Variants in OR6N1 observed in about 807,000 individuals in gnomAD.
The protein encoded by OR6N1 is olfactory receptor family 6 subfamily N member 1, also known as olfactory receptor 6N1.
For synonymous variants in OR6N1, 170 were observed against 150.7 expected (o/e 1.13, Z -0.94); for missense variants, 394 against 371.7 (o/e 1.06, Z -0.49).
chr1:158,783,999 G>A, the OR6N1 span, among the ~76,000 whole-genome samples: 2 of 152,036 alleles, frequency 1.3e-5, no homozygotes, highest in African/African-American at 2.4e-5. Context: ...CCACCTACTC[G>A]GGAGGCTGAG....
At chr1:158,800,580 T>G in the OR6N1 span, among the ~76,000 whole-genome samples, 1 of 152,172 alleles carries the variant, frequency 6.6e-6, no homozygotes, top group East Asian at 1.9e-4. Flanking sequence ...CCCCAGAACA[T>G]TCTGTGATCT....
chr1:158,840,005 T>C, the OR6N1 span, among the ~76,000 whole-genome samples: 1 of 152,172 alleles, frequency 6.6e-6, no homozygotes, highest in African/African-American at 2.4e-5. Flanking sequence ...GAAAACTGAT[T>C]CACAGCACTT....
chr1:158,769,357 T>A (rs1056860472), intron 1 of OR6N1, among the ~76,000 whole-genome samples: 5 of 151,932 alleles, frequency 3.3e-5, no homozygotes, highest in African/African-American at 1.2e-4. Context: ...AGAGATGGGG[T>A]TTAGCCATAT....
chr1:158,777,122 T>C, upstream of OR6N1: 2 of 1,614,112 alleles, frequency 1.2e-6, no homozygotes, highest in Non-Finnish European at 1.7e-6. Flanking sequence ...TGGATTTCAT[T>C]GTAAGCACAA....
the OR6N1 span, among the ~76,000 whole-genome samples, chr1:158,840,041 G>T: frequency 6.6e-6 from 1 of 152,084 alleles, no homozygotes; most frequent in African/African-American, 2.4e-5. Context: ...GGACAACTCT[G>T]ATTTTTAATT....
Position 158,764,920 on chromosome 1 carries a change from A to G in OR6N1, c.*824T>C, listed in dbSNP as rs1657203989. On this transcript the variant is annotated 3_prime_UTR_variant, in exon 2 of 2. Transcript: ENST00000641846. The stretch of plus-strand genomic sequence containing the variant: ...AAACTATACTTTTCAAGTATAGTAT[A>G]CTTGTATACTATACAAGTATTCCTT... The G allele has an allele frequency of 6.6e-6, 1 of 152,068 alleles. No homozygotes were observed. Among genetic ancestry groups the G allele is most frequent in the Admixed American group, 6.6e-5 (1 of 15,264 alleles). The allele number at this position is 152,068 out of a possible 1,614,324, so 9.4% of individuals were successfully genotyped here. A position where few individuals can be genotyped will look rare whatever the true frequency, so the allele number is the denominator to read the frequency against.
the OR6N1 span, among the ~76,000 whole-genome samples, chr1:158,835,434 T>C: frequency 0.25 from 37,439 of 151,976 alleles, 5,178 homozygotes; most frequent in Non-Finnish European, 0.31. Flanking sequence ...ACACAACTGA[T>C]TTGTATGTGT....
chr1:158,770,455 T>G (rs976829884), intron 1 of OR6N1, among the ~76,000 whole-genome samples: 1 of 152,212 alleles, frequency 6.6e-6, no homozygotes, highest in Non-Finnish European at 1.5e-5. Context: ...CAAAAAATAC[T>G]GATGATTTTC....
At chr1:158,804,747 A>G in the OR6N1 span, among the ~76,000 whole-genome samples, 46 of 152,186 alleles carry the variant, frequency 3.0e-4, no homozygotes, top group Non-Finnish European at 5.3e-4. Flanking sequence ...AAAAAATGAT[A>G]TGAAATGCAA....
the OR6N1 span, among the ~76,000 whole-genome samples, chr1:158,814,128 C>T: frequency 6.6e-5 from 10 of 152,148 alleles, no homozygotes; most frequent in South Asian, 8.3e-4. Flanking sequence ...TAACAGTGCC[C>T]TGTTTCATTC....
the OR6N1 span, among the ~76,000 whole-genome samples, chr1:158,794,129 C>G: frequency 6.6e-6 from 1 of 152,178 alleles, no homozygotes; most frequent in East Asian, 1.9e-4. Context: ...CAAAGTATTT[C>G]AGAAAGGCTG....
At chr1:158,839,256 A>T in the OR6N1 span, among the ~76,000 whole-genome samples, 3 of 152,220 alleles carry the variant, frequency 2.0e-5, no homozygotes, top group African/African-American at 4.8e-5. Context: ...TATGAAATAT[A>T]AACGTTCTCT....
chr1:158,785,910 C>T, the OR6N1 span, among the ~76,000 whole-genome samples: 2 of 152,008 alleles, frequency 1.3e-5, no homozygotes, highest in East Asian at 3.9e-4. Flanking sequence ...TTTTCAAGCC[C>T]TCGTCTTAAT....
rs1657229796 is a variant in OR6N1, at chr1:158,765,638, C to T, written c.*106G>A. ...TCAGCACTTGCTGCAGCTCCACCAC[C>T]CCACATAGAAAAGCACTGAATTTTT... On this transcript the variant is annotated 3_prime_UTR_variant, in exon 2 of 2. Transcript: ENST00000641846. The T allele has an allele frequency of 2.2e-6, 2 of 905,708 alleles. No individual in the cohort carries two copies. The highest frequency in any genetic ancestry group is 1.7e-5 in the African/African-American group (1 of 60,464). The allele number at this position is 905,708 out of a possible 1,614,324, so 56.1% of individuals were successfully genotyped here.
chr1:158,776,963 C>T (rs2102014674), upstream of OR6N1: 2 of 1,614,118 alleles, frequency 1.2e-6, no homozygotes, highest in Non-Finnish European at 1.7e-6. Context: ...ATCTTCAGCA[C>T]AGCCCCAATG....
chr1:158,839,733 G>A, the OR6N1 span, among the ~76,000 whole-genome samples: 1 of 152,140 alleles, frequency 6.6e-6, no homozygotes, highest in African/African-American at 2.4e-5. Flanking sequence ...ACACCTAGAA[G>A]TTTTCCACTA....
At chr1:158,777,042 C>G (rs758175837), upstream of OR6N1, 1 of 1,614,022 alleles carries the variant, frequency 6.2e-7, no homozygotes, top group Admixed American at 1.7e-5. Context: ...TGGCAAAGTC[C>G]ACCAGAATGT....
the OR6N1 span, among the ~76,000 whole-genome samples, chr1:158,807,003 C>CAAAA: frequency 8.2e-4 from 60 of 72,866 alleles, no homozygotes; most frequent in East Asian, 2.7e-3. Context: ...GACGTCATCT[C>CAAAA]AAAAAAAAAA....
chr1:158,822,559 T>C, the OR6N1 span, among the ~76,000 whole-genome samples: 17,581 of 152,230 alleles, frequency 0.12, 1,361 homozygotes, highest in South Asian at 0.31. Flanking sequence ...GTTTGTATAC[T>C]GAAATTTTTC....
Sources: gnomAD v4.1 joint callset for allele counts (sites outside exome capture counted in the v4.1 genomes callset) on GRCh38, gnomAD v4.1.1 for gene constraint, MANE v1.5 for transcripts, NCBI Gene and HGNC (gene_info 2026-07-23, HGNC 2026-07-21) for gene names.